SLC7A2: variants seen among roughly 807,000 people sequenced by gnomAD.
SLC7A2 encodes cationic amino acid transporter 2.
A neutral mutation model predicts 58.9 loss-of-function variants in SLC7A2; 48 were observed. That is an observed-to-expected ratio of 0.82 (90% CI 0.65 to 1.04). The LOEUF is 1.04. Among genes scored for constraint, SLC7A2 ranks in the 50% least tolerant of loss-of-function variants. The pLI is 0.00. For missense variants in SLC7A2, 1,029 were observed against 818.8 expected (o/e 1.26, Z -3.13); for synonymous variants, 363 against 314.5 (o/e 1.15, Z -1.63).
intron 1 of SLC7A2, among the ~76,000 whole-genome samples, chr8:17,501,942 A>C (rs1223316991): frequency 6.6e-6 from 1 of 151,788 alleles, no homozygotes; most frequent in Non-Finnish European, 1.5e-5. Flanking sequence ...GGTGAACAAT[A>C]CACAACAAAG....
intron 2 of SLC7A2, among the ~76,000 whole-genome samples, chr8:17,532,506 T>G (rs1039528707): frequency 1.3e-5 from 2 of 152,170 alleles, no homozygotes; most frequent in Non-Finnish European, 2.9e-5. Context: ...AAATTGCCTT[T>G]AGATTATTTT....
chr8:17,496,093 T>A (rs562600417), upstream of SLC7A2, among the ~76,000 whole-genome samples: 3 of 152,348 alleles, frequency 2.0e-5, no homozygotes, highest in East Asian at 5.8e-4. Context: ...GGACGTTTAC[T>A]CCAATACTAT....
chr8:17,516,299 C>T (rs1421818180), intron 2 of SLC7A2, among the ~76,000 whole-genome samples: 2 of 152,028 alleles, frequency 1.3e-5, no homozygotes, highest in African/African-American at 4.8e-5. Flanking sequence ...GATCTCGGCT[C>T]ACTGCAACCT....
intron 2 of SLC7A2, among the ~76,000 whole-genome samples, chr8:17,514,504 A>T (rs1800724468): frequency 6.6e-6 from 1 of 152,232 alleles, no homozygotes; most frequent in Admixed American, 6.5e-5. Context: ...GGAAATGCAC[A>T]GCAGCCGTTG....
intron 2 of SLC7A2, among the ~76,000 whole-genome samples, chr8:17,504,116 T>C (rs1469511784): frequency 1.3e-5 from 2 of 152,254 alleles, no homozygotes; most frequent in Non-Finnish European, 2.9e-5. Flanking sequence ...TGGACCTTTG[T>C]GAAGGCATTG....
Position 17,543,359 on chromosome 8 carries a change from C to T in SLC7A2, c.20C>T (p.Ala7Val), listed in dbSNP as rs753901906. MIPCRA[A>V]LTFARCLIRR... ...GTCAGAATGATTCCTTGCAGAGCCG[C>T]GCTGACCTTTGCCCGATGTCTGATC... Residue 7 changes from alanine to valine, a missense_variant, in exon 3 of 13, where the codon GCG becomes GTG. Ala to Val is a moderately conservative substitution (Grantham distance 64). Transcript: ENST00000494857. 6.2e-6 allele frequency: 10 copies of T among 1,613,904 alleles called. No homozygotes were observed. Among genetic ancestry groups the T allele is most frequent in the Admixed American group, 3.3e-5 (2 of 59,978 alleles).
At chr8:17,497,938 C>G (rs529825808) in intron 1 of SLC7A2, among the ~76,000 whole-genome samples, 3 of 152,180 alleles carry the variant, frequency 2.0e-5, no homozygotes, top group Non-Finnish European at 2.9e-5. Context: ...CCTGTCCGTT[C>G]AGAAAGTACC....
At position 17,554,537 on chromosome 8, in the gene SLC7A2, G is replaced by A. The variant is rs776092249; in HGVS notation, c.1056-23G>A. 1.9e-6 allele frequency: 3 copies of A among 1,570,334 alleles called. No individual in the cohort carries two copies. In the African/African-American group the frequency reaches 4.1e-5, roughly 21 times the overall value. ...ATCTTGCATGAATGTTTGCCATACT[G>A]CATGTGTTTGCTTTTTATTCAGTCT... On this transcript the variant is annotated intron_variant, in intron 7 of 12. Coordinates refer to ENST00000494857, the MANE Select transcript of SLC7A2 (RefSeq NM_001370338.1).
At chr8:17,502,025 C>G (rs1289786387) in intron 1 of SLC7A2, among the ~76,000 whole-genome samples, 1 of 151,884 alleles carries the variant, frequency 6.6e-6, no homozygotes, top group East Asian at 1.9e-4. Context: ...CTTTCCTTAA[C>G]CCATTTTGGC....
chr8:17,550,452 G>T lies in SLC7A2; in HGVS notation c.832+18G>T. 1 of 1,609,586 alleles carries T rather than the reference G, an allele frequency of 6.2e-7. No individual in the cohort carries two copies. Among genetic ancestry groups the T allele is most frequent in the Non-Finnish European group, 8.5e-7 (1 of 1,177,488 alleles). On this transcript the variant is annotated intron_variant, in intron 6 of 12. Coordinates refer to ENST00000494857, the MANE Select transcript of SLC7A2 (RefSeq NM_001370338.1). ...AACAACTGGTAAGAGCAGTGTCTTG[G>T]CTCAGTGTAGAAGGAGTGTTCCTTG...
Position 17,551,886 on chromosome 8 carries a change from C to T in SLC7A2, c.955C>T (p.Leu319Phe). 3.7e-6 allele frequency: 6 copies of T among 1,613,942 alleles called. No homozygotes were observed. Among genetic ancestry groups the T allele is most frequent in the Non-Finnish European group, 5.1e-6 (6 of 1,180,002 alleles). Residue 319 changes from leucine to phenylalanine, a missense_variant, in exon 7 of 13, where the codon CTC becomes TTC. Leu to Phe is a conservative substitution (Grantham distance 22). Transcript: ENST00000494857. ...AACACTTATGATGCCGTACTACCTC[C>T]TCGATGAAAAAAGCCCCCTTCCTGT... The part of the protein sequence containing the change: ...ALTLMMPYYL[L>F]DEKSPLPVAF...
chr8:17,503,301 C>T (rs550136808), intron 2 of SLC7A2, among the ~76,000 whole-genome samples: 4 of 152,206 alleles, frequency 2.6e-5, no homozygotes, highest in East Asian at 1.9e-4. Flanking sequence ...CTGCCCGCCT[C>T]GGCCTCCCAA....
intron 2 of SLC7A2, among the ~76,000 whole-genome samples, chr8:17,531,639 CTAT>C (rs571463151): frequency 2.0e-4 from 31 of 151,880 alleles, no homozygotes; most frequent in African/African-American, 7.2e-4. Context: ...GTAACTTAAG[CTAT>C]TATTATTCAG....
intron 2 of SLC7A2, among the ~76,000 whole-genome samples, chr8:17,531,690 A>T (rs17689082): frequency 0.063 from 9,508 of 152,074 alleles, 541 homozygotes; most frequent in East Asian, 0.29. Flanking sequence ...GGAATTTCTG[A>T]TTAAGACTTT....
chr8:17,559,606 G>C (rs1373249299), intron 9 of SLC7A2, among the ~76,000 whole-genome samples: 1 of 152,108 alleles, frequency 6.6e-6, no homozygotes, highest in East Asian at 1.9e-4. Flanking sequence ...AAAACCATCA[G>C]ATCTCATGAG....
intron 10 of SLC7A2, 111 bp from the exon 11 acceptor site, chr8:17,561,833 C>A: frequency 7.3e-6 from 7 of 961,748 alleles, no homozygotes; most frequent in Non-Finnish European, 9.4e-6. Context: ...TTGTATTTAG[C>A]CAAGTAGATG....
chr8:17,545,647 C>A (rs34817373), intron 4 of SLC7A2, among the ~76,000 whole-genome samples: 2 of 151,926 alleles, frequency 1.3e-5, no homozygotes, highest in Non-Finnish European at 2.9e-5. Context: ...ATCCCCCTGC[C>A]TCAGCCTCCC....
chr8:17,557,940 A>T (rs1802786996), intron 8 of SLC7A2, among the ~76,000 whole-genome samples: 1 of 152,202 alleles, frequency 6.6e-6, no homozygotes, highest in Admixed American at 6.5e-5. Context: ...TTGTGGTTTT[A>T]AAAAAGGAGC....
At chr8:17,548,640 T>A in intron 4 of SLC7A2, 38 bp from the exon 5 acceptor site, 1 of 1,525,518 alleles carries the variant, frequency 6.6e-7, no homozygotes, top group Non-Finnish European at 9.0e-7. Context: ...TTGCCTTTCC[T>A]AAAGCTAAAT....
Sources: allele counts gnomAD v4.1 joint callset (sites outside exome capture counted in the v4.1 genomes callset), GRCh38; gene constraint gnomAD v4.1.1; transcripts MANE v1.5; gene names NCBI Gene and HGNC (gene_info 2026-07-23, HGNC 2026-07-21).